Variants in BCAM observed in about 807,000 individuals in gnomAD.
BCAM encodes the protein basal cell adhesion molecule.
A neutral mutation model predicts 72.4 loss-of-function variants in BCAM; 61 were observed. That is an observed-to-expected ratio of 0.84 (90% CI 0.69 to 1.04). The LOEUF (loss-of-function observed/expected upper bound fraction) is 1.04. Ranked by LOEUF, BCAM falls within the 50% of genes least tolerant of loss-of-function variation. The pLI is 0.00. For missense variants in BCAM, 909 were observed against 895.0 expected (o/e 1.02, Z -0.20); for synonymous variants, 408 against 384.2 (o/e 1.06, Z -0.73).
intron 8 of BCAM, among the ~76,000 whole-genome samples, chr19:44,815,629 G>A (rs1968494903): frequency 6.6e-6 from 1 of 152,122 alleles, no homozygotes; most frequent in Non-Finnish European, 1.5e-5. Flanking sequence ...TTTATGGGAA[G>A]TACCCTGGGT....
rs1164855070 is a variant in BCAM, at chr19:44,814,175, T to G, written c.808T>G (p.Trp270Gly). Residue 270 changes from tryptophan to glycine, a missense_variant, in exon 7 of 15, where the codon TGG (tryptophan) becomes GGG (glycine). Coordinates refer to ENST00000270233, the MANE Select transcript of BCAM (RefSeq NM_005581.5). This position sits in a 1 kb window ranked among gnomAD's most constrained non-coding sequence, Gnocchi z 4.6. ...AGATCCCACGGAGCACGTGCAGTTC[T>G]GGGTGGGCAGCCCGTCCACCCCAGC... The part of the protein sequence containing the change: ...LHYPTEHVQF[W>G]VGSPSTPAGW... 6.3e-7 allele frequency: 1 copy of G among 1,585,276 alleles called. No individual in the cohort carries two copies. The highest frequency in any genetic ancestry group is 8.5e-7 in the Non-Finnish European group (1 of 1,172,332).
At position 44,810,311 on chromosome 19, in the gene BCAM, C is replaced by T. The variant is rs1025094282; in HGVS notation, c.83-914C>T. ...CTTATCCTTTTGCAAGATGACTCGA[C>T]TTATCCCGTTTGCTGTTGTATCAAA... On this transcript the variant is annotated intron_variant, in intron 1 of 14. Coordinates refer to ENST00000270233, the MANE Select transcript of BCAM (RefSeq NM_005581.5). Among the ~76,000 whole-genome samples, 8 of 152,280 alleles carry T rather than the reference C, an allele frequency of 5.3e-5. No individual in the cohort carries two copies. The South Asian group carries it at 1.5e-3, about 28-fold the overall frequency.
At position 44,813,320 on chromosome 19, in the gene BCAM, T is replaced by A. The variant is rs1340609440; in HGVS notation, c.575T>A (p.Leu192Gln). The A allele has an allele frequency of 6.2e-7, 1 of 1,613,976 alleles. No individual in the cohort carries two copies. ...ACGTGGTATCGCAACGGGCAGCGCCTGGAGGTGCCCGTAGAGATGAACCCA... is the reference window on the plus strand; with the variant it reads ...ACGTGGTATCGCAACGGGCAGCGCCAGGAGGTGCCCGTAGAGATGAACCCA... ...KITWYRNGQR[L>Q]EVPVEMNPEG... Residue 192 changes from leucine to glutamine, a missense_variant, in exon 5 of 15, where the codon CTG (leucine) becomes CAG (glutamine). By Grantham distance (113) the Leu-to-Gln change is moderately radical. Transcript: ENST00000270233. The surrounding 1 kb of genome is among the most constrained non-coding windows in gnomAD (Gnocchi z 4.2).
chr19:44,817,541 T>C (rs916319706), intron 8 of BCAM, among the ~76,000 whole-genome samples: 1 of 148,888 alleles, frequency 6.7e-6, no homozygotes, highest in African/African-American at 2.5e-5. Flanking sequence ...GGGTGGTTGG[T>C]TTTTTTTGTT....
Position 44,819,450 on chromosome 19 carries a change from C to T in BCAM, c.1578C>T (p.Asn526=), listed in dbSNP as rs749844885. The part of the protein sequence containing the change: ...SRDGISCEAS[N]PHGNKRHVFH... Reference sequence around the variant, plus strand: ...ATGGCATCTCCTGTGAAGCCTCCAACCCCCACGGGAACAAGCGCCATGTCT... The same window carrying T: ...ATGGCATCTCCTGTGAAGCCTCCAATCCCCACGGGAACAAGCGCCATGTCT... The change falls in exon 12 of 15, where the codon AAC becomes AAT. Residue 526 remains asparagine, a synonymous_variant. Transcript: ENST00000270233. 6.2e-7 allele frequency: 1 copy of T among 1,614,034 alleles called. No homozygotes were observed. The highest frequency in any genetic ancestry group is 8.5e-7 in the Non-Finnish European group (1 of 1,179,926).
chr19:44,814,055 A>T lies in BCAM; in HGVS notation c.785-97A>T. 7.0e-7 allele frequency: 1 copy of T among 1,425,638 alleles called. No homozygotes were observed. Among genetic ancestry groups the T allele is most frequent in the Non-Finnish European group, 9.3e-7 (1 of 1,071,934 alleles). 88.3% of individuals were successfully genotyped at this position (1,425,638 alleles called of 1,614,324 possible). ...TATGACCCGTAACCTTTGACCCGCCATAGCCCTCACCTGGGATGCAGGGCT... is the reference window on the plus strand; with the variant it reads ...TATGACCCGTAACCTTTGACCCGCCTTAGCCCTCACCTGGGATGCAGGGCT... On this transcript the variant is annotated intron_variant, in intron 6 of 14. Transcript: ENST00000270233. The surrounding 1 kb of genome is among the most constrained non-coding windows in gnomAD (Gnocchi z 4.6).
chr19:44,814,600 C>T lies in BCAM; in HGVS notation c.922-4C>T. ...AGCCTGGTTCCTCGTCCCCCGTCTCCCAGGATGAGCAGGAGGAAGTGCTGA... is the reference window on the plus strand; with the variant it reads ...AGCCTGGTTCCTCGTCCCCCGTCTCTCAGGATGAGCAGGAGGAAGTGCTGA... On this transcript the variant is annotated splice_region_variant and splice_polypyrimidine_tract_variant and intron_variant, in intron 7 of 14. Coordinates refer to ENST00000270233, the MANE Select transcript of BCAM (RefSeq NM_005581.5). The surrounding 1 kb of genome is among the most constrained non-coding windows in gnomAD (Gnocchi z 4.6). 6.2e-7 allele frequency: 1 copy of T among 1,611,726 alleles called. No homozygotes were observed. The highest frequency in any genetic ancestry group is 1.1e-5 in the South Asian group (1 of 90,922).
At position 44,814,357 on chromosome 19, in the gene BCAM, A is replaced by C; in HGVS notation, c.921+69A>C. 6.5e-7 allele frequency: 1 copy of C among 1,530,356 alleles called. No individual in the cohort carries two copies. 94.8% of individuals were successfully genotyped at this position (1,530,356 alleles called of 1,614,324 possible). A position where few individuals can be genotyped will look rare whatever the true frequency, so the allele number is the denominator to read the frequency against. ...TGACCTCTGTGACCTGCTAACCTGC[A>C]TAACTTCTAATGTGGGACCTGGGAG... On this transcript the variant is annotated intron_variant, in intron 7 of 14. Coordinates refer to ENST00000270233, the MANE Select transcript of BCAM (RefSeq NM_005581.5). This position sits in a 1 kb window ranked among gnomAD's most constrained non-coding sequence, Gnocchi z 4.6.
chr19:44,810,137 G>C (rs1010285001), intron 1 of BCAM, among the ~76,000 whole-genome samples: 1 of 152,124 alleles, frequency 6.6e-6, no homozygotes, highest in African/African-American at 2.4e-5. Context: ...TTTCTAAGAA[G>C]CACTGAGAGC....
rs3810140 is a variant in BCAM at position 44,813,550 on chromosome 19, C to A, written c.714C>A (p.Ala238=). Residue 238 remains alanine, a synonymous_variant, in exon 6 of 15, where the codon GCC becomes GCA. Transcript: ENST00000270233. The surrounding 1 kb of genome is among the most constrained non-coding windows in gnomAD (Gnocchi z 4.2). Reference sequence around the variant, plus strand: ...ACCGAGACGCCAGCTTCCACTGCGCCGCCCACTACAGCCTGCCCGAGGGCC... The same window carrying A: ...ACCGAGACGCCAGCTTCCACTGCGCAGCCCACTACAGCCTGCCCGAGGGCC... ...KDDRDASFHC[A]AHYSLPEGRH... is the part of the protein sequence containing the mutation. 6 of 1,612,596 alleles carry A rather than the reference C, an allele frequency of 3.7e-6. No homozygotes were observed. The African/African-American group carries it at 8.0e-5, about 21-fold the overall frequency.
At chr19:44,817,715 T>C (rs536516174) in intron 8 of BCAM, among the ~76,000 whole-genome samples, 4 of 152,052 alleles carry the variant, frequency 2.6e-5, no homozygotes, top group Non-Finnish European at 4.4e-5. Context: ...CAGCTAGCTT[T>C]TGGATTTTTA....
chr19:44,815,071 C>T (rs1208882265), intron 8 of BCAM, among the ~76,000 whole-genome samples: 1 of 152,038 alleles, frequency 6.6e-6, no homozygotes, highest in East Asian at 1.9e-4. Context: ...ACAGACCTGA[C>T]CCTCCTCTGC....
In BCAM at chr19:44,813,502, C is replaced by A; in HGVS notation, c.666C>A (p.Leu222=). The change falls in exon 6 of 15, where the codon CTC becomes CTA. Residue 222 remains leucine, a synonymous_variant. Transcript: ENST00000270233. The surrounding 1 kb of genome is among the most constrained non-coding windows in gnomAD (Gnocchi z 4.2). ...GCCTGCTCTCCCTCACCAGCACCCT[C>A]TACCTGCGGCTCCGCAAGGATGACC... ...ASGLLSLTST[L]YLRLRKDDRD... 1 of 1,612,716 alleles carries A rather than the reference C, an allele frequency of 6.2e-7. No homozygotes were observed. The highest frequency in any genetic ancestry group is 8.5e-7 in the Non-Finnish European group (1 of 1,179,916).
chr19:44,815,248 C>G, intron 8 of BCAM, among the ~76,000 whole-genome samples: 1 of 152,168 alleles, frequency 6.6e-6, no homozygotes, highest in Non-Finnish European at 1.5e-5. Flanking sequence ...ACCTTCACTG[C>G]CCATCCTTCC....
chr19:44,817,779 G>A lies in BCAM; in HGVS notation c.1079-743G>A, dbSNP rs1012067098. 7.2e-5 allele frequency among the ~76,000 whole-genome samples: 11 copies of A among 152,130 alleles called. 1 individual carries two copies. Among genetic ancestry groups the A allele is most frequent in the Admixed American group, 1.3e-4 (2 of 15,266 alleles). ...GGGTGGTCTCGAACTCCTGACATCA[G>A]GTGATGCACCCGCCTCGGCCTCCCA... On this transcript the variant is annotated intron_variant, in intron 8 of 14. Transcript: ENST00000270233.
intron 8 of BCAM, among the ~76,000 whole-genome samples, chr19:44,815,135 C>T (rs548278917): frequency 9.2e-5 from 14 of 152,182 alleles, no homozygotes; most frequent in Admixed American, 9.2e-4. Flanking sequence ...GGTGTCTCAC[C>T]ATGGCCTTCA....
At chr19:44,811,940 G>A (rs1968426581) in intron 2 of BCAM, 2 of 582,032 alleles carry the variant, frequency 3.4e-6, no homozygotes, top group South Asian at 4.5e-5. Context: ...ACCAAGAGGA[G>A]AAGGGATGGG....
intron 1 of BCAM, among the ~76,000 whole-genome samples, chr19:44,809,725 C>T (rs1353212122): frequency 6.6e-6 from 1 of 152,100 alleles, no homozygotes; most frequent in Non-Finnish European, 1.5e-5. Flanking sequence ...ATAAAGAACC[C>T]GCCTCCCTCA....
At position 44,820,992 on chromosome 19, in the gene BCAM, C is replaced by T; in HGVS notation, c.*71C>T. The T allele has an allele frequency of 6.8e-7, 1 of 1,465,432 alleles. No homozygotes were observed. Among genetic ancestry groups the T allele is most frequent in the Admixed American group, 2.6e-5 (1 of 39,164 alleles). The allele number at this position is 1,465,432 out of a possible 1,614,324, so 90.8% of individuals were successfully genotyped here. A position where few individuals can be genotyped will look rare whatever the true frequency, so the allele number is the denominator to read the frequency against. On this transcript the variant is annotated 3_prime_UTR_variant, in exon 15 of 15. Coordinates refer to ENST00000270233, the MANE Select transcript of BCAM (RefSeq NM_005581.5). ...ATCAGAGAACCAGCCCTGCTCACGC[C>T]ATGCCCGCCCCCGCCTTCCCTCTTC...
Sources: allele counts gnomAD v4.1 joint callset (sites outside exome capture counted in the v4.1 genomes callset), GRCh38; gene constraint gnomAD v4.1.1; non-coding constraint Gnocchi (gnomAD v3.1); transcripts MANE v1.5; gene names NCBI Gene and HGNC (gene_info 2026-07-23, HGNC 2026-07-21).